DNM1L: variants seen among roughly 807,000 people sequenced by gnomAD.
DNM1L encodes dynamin 1L.
Under a neutral mutation model 92.8 loss-of-function variants are expected in DNM1L, and 33 were observed. The observed-to-expected ratio is 0.36, with a 90% CI of 0.27 to 0.48. DNM1L has a LOEUF of 0.48. Ranked by LOEUF, DNM1L falls within the 20% of genes least tolerant of loss-of-function variation. DNM1L has a pLI of 0.99. For synonymous variants in DNM1L, 284 were observed against 305.0 expected, an observed-to-expected ratio of 0.93 and a Z score of 0.72; for missense variants, 485 against 888.8, an observed-to-expected ratio of 0.55 and a Z score of 5.78.
At chr12:32,700,516 G>C (rs910580020) in intron 1 of DNM1L, among the ~76,000 whole-genome samples, 3 of 152,070 alleles carry the variant, frequency 2.0e-5, no homozygotes, top group Admixed American at 1.3e-4. Context: ...GGAGACTGAG[G>C]TGGGAGGATT....
chr12:32,680,585 C>T (rs1951767967), intron 1 of DNM1L, among the ~76,000 whole-genome samples: 1 of 152,094 alleles, frequency 6.6e-6, no homozygotes, highest in African/African-American at 2.4e-5. Flanking sequence ...AAACACATTT[C>T]CTTGGTCTGC....
At chr12:32,683,014 C>A (rs1951866379) in intron 1 of DNM1L, among the ~76,000 whole-genome samples, 1 of 152,028 alleles carries the variant, frequency 6.6e-6, no homozygotes, top group Non-Finnish European at 1.5e-5. Flanking sequence ...GAAATTTAAT[C>A]CTATTTCTTA....
At chr12:32,714,270 A>ATTTT (rs764641583) in intron 6 of DNM1L, among the ~76,000 whole-genome samples, 3 of 134,636 alleles carry the variant, frequency 2.2e-5, no homozygotes, top group Admixed American at 7.6e-5. Flanking sequence ...CACTTTAACA[A>ATTTT]TTTTTTTTTT....
chr12:32,726,989 T>A, intron 9 of DNM1L: 1 of 743,496 alleles, frequency 1.3e-6, no homozygotes, highest in Non-Finnish European at 2.5e-6. Context: ...TCAGAATAGG[T>A]TCATCATGTT....
Position 32,688,309 on chromosome 12 carries a change from G to C in DNM1L, c.102+8844G>C, listed in dbSNP as rs183236477. On this transcript the variant is annotated intron_variant, in intron 1 of 19. Coordinates refer to ENST00000549701, the MANE Select transcript of DNM1L (RefSeq NM_012062.5). ...GGGGATTGTGTTGCCTCTATAGGTTGCTTCAGGTTTTATTGGCATCTTAAC... is the reference window on the plus strand; with the variant it reads ...GGGGATTGTGTTGCCTCTATAGGTTCCTTCAGGTTTTATTGGCATCTTAAC... Among the ~76,000 whole-genome samples, 3 of 152,298 alleles carry C rather than the reference G, an allele frequency of 2.0e-5. No individual in the cohort carries two copies. The East Asian group carries it at 5.8e-4, about 29-fold the overall frequency.
In DNM1L at chr12:32,719,913, T is replaced by A. The variant is rs116269722; in HGVS notation, c.741-751T>A. 8.4e-3 allele frequency among the ~76,000 whole-genome samples: 1,286 copies of A among 152,294 alleles called. 15 individuals carry two copies. The highest frequency in any genetic ancestry group is 0.03 in the African/African-American group (1,230 of 41,548). On this transcript the variant is annotated intron_variant, in intron 7 of 19. Coordinates refer to ENST00000549701, the MANE Select transcript of DNM1L (RefSeq NM_012062.5). The stretch of plus-strand genomic sequence containing the variant: ...AGCTGGATTCGGATGAATATCTCTT[T>A]TAGTCCAAAGCCTTCATATGGTAGG...
At chr12:32,703,037 T>C (rs1217776634) in intron 2 of DNM1L, among the ~76,000 whole-genome samples, 1 of 145,618 alleles carries the variant, frequency 6.9e-6, no homozygotes, top group Non-Finnish European at 1.5e-5. Context: ...CTATATGATA[T>C]TAGGTCTTTC....
At chr12:32,686,919 G>T (rs1346197683) in intron 1 of DNM1L, among the ~76,000 whole-genome samples, 1 of 148,098 alleles carries the variant, frequency 6.8e-6, no homozygotes, top group African/African-American at 2.5e-5. Context: ...TGTTGAGGTT[G>T]TAAGAGTTCT....
At chr12:32,681,411 C>A (rs570579685) in intron 1 of DNM1L, among the ~76,000 whole-genome samples, 21,465 of 151,994 alleles carry the variant, frequency 0.14, 1,545 homozygotes, top group Middle Eastern at 0.19. Flanking sequence ...ATTAGCTGGG[C>A]ATGGTGGTGC....
Position 32,717,837 on chromosome 12 carries a change from C to G in DNM1L, c.620-806C>G, listed in dbSNP as rs1427181762. Among the ~76,000 whole-genome samples the G allele has an allele frequency of 2.9e-5, 3 of 103,010 alleles. 1 individual carries two copies. Among genetic ancestry groups the G allele is most frequent in the East Asian group, 2.5e-4 (1 of 4,018 alleles). 67.6% of individuals were successfully genotyped at this position (103,010 alleles called of 152,430 possible). A position where few individuals can be genotyped will look rare whatever the true frequency, so the allele number is the denominator to read the frequency against. ...TACTATAAAATATATATAGTATATA[C>G]TATATATATTTTATAAATATACTAT... On this transcript the variant is annotated intron_variant, in intron 6 of 19. Transcript: ENST00000549701.
chr12:32,738,125 A>G, intron 15 of DNM1L, 139 bp from the exon 16 acceptor site: 2 of 1,131,330 alleles, frequency 1.8e-6, no homozygotes, highest in Non-Finnish European at 1.3e-6. Context: ...TATTGTTGAC[A>G]TGCTTTTGCT....
Position 32,731,079 on chromosome 12 carries a change from A to T in DNM1L, c.1145A>T (p.Asp382Val), listed in dbSNP as rs766446989. The change falls in exon 10 of 20, where the codon GAT becomes GTT. Residue 382 changes from aspartate to valine, a missense_variant. Asp to Val is a radical substitution (Grantham distance 152). This residue lies in a region of DNM1L where 19 missense variants were observed against 22.1 expected (regional missense o/e 0.86). Transcript: ENST00000549701. This position sits in a 1 kb window ranked among gnomAD's most constrained non-coding sequence, Gnocchi z 5.1. Reference protein sequence around the residue: ...ETFGRTLESVDPLGGLNTIDI... With the variant: ...ETFGRTLESVVPLGGLNTIDI... ...TTTGGGCGAACCTTAGAATCTGTTGATCCACTTGGTGGCCTTAACACTATT... is the reference window on the plus strand; with the variant it reads ...TTTGGGCGAACCTTAGAATCTGTTGTTCCACTTGGTGGCCTTAACACTATT... The T allele has an allele frequency of 6.2e-7, 1 of 1,614,028 alleles. No homozygotes were observed. Among genetic ancestry groups the T allele is most frequent in the South Asian group, 1.1e-5 (1 of 91,084 alleles).
intron 9 of DNM1L, 73 bp from the exon 10 acceptor site, chr12:32,730,941 T>C (rs1233170886): frequency 5.0e-6 from 8 of 1,602,128 alleles, no homozygotes; most frequent in South Asian, 2.2e-5. Flanking sequence ...TTAAAGCTTC[T>C]AGAAAGACTT....
chr12:32,737,568 G>A (rs956928917), intron 14 of DNM1L: 2 of 426,734 alleles, frequency 4.7e-6, no homozygotes, highest in Admixed American at 3.9e-5. Flanking sequence ...ATACTAAAGT[G>A]TGTATAAAAA....
At chr12:32,709,392 T>C (rs1031419430) in intron 4 of DNM1L, among the ~76,000 whole-genome samples, 2 of 152,204 alleles carry the variant, frequency 1.3e-5, no homozygotes, top group African/African-American at 4.8e-5. Context: ...GTGGTAATTT[T>C]ACACAGTACC....
intron 14 of DNM1L, 190 bp from the exon 15 acceptor site, chr12:32,737,675 G>A (rs1248686782): frequency 1.7e-6 from 1 of 576,766 alleles, no homozygotes; most frequent in Non-Finnish European, 3.1e-6. Context: ...GTATTCATCT[G>A]AAGGAAACTT....
intron 2 of DNM1L, chr12:32,706,116 A>G (rs1020646056): frequency 4.8e-5 from 18 of 377,596 alleles, no homozygotes; most frequent in Non-Finnish European, 8.4e-5. Context: ...TTTTAAATAT[A>G]ATAAGATAAA....
At position 32,742,872 on chromosome 12, in the gene DNM1L, G is replaced by A. The variant is rs2137613923; in HGVS notation, c.2154+124G>A. On this transcript the variant is annotated intron_variant, in intron 19 of 19. Transcript: ENST00000549701. ...ATTCTAGCTAGGCTTGTTTCCTGTT[G>A]GTACTTGATAAGAATCTTTTTTTTT... is the stretch of plus-strand genomic sequence containing the variant. The A allele has an allele frequency of 5.3e-6, 4 of 760,866 alleles. No homozygotes were observed. In the South Asian group the frequency reaches 6.7e-5, roughly 13 times the overall value. 47.1% of individuals were successfully genotyped at this position (760,866 alleles called of 1,614,324 possible).
chr12:32,725,533 C>A (rs1954074278), intron 9 of DNM1L: 1 of 152,160 alleles, frequency 6.6e-6, no homozygotes, highest in Non-Finnish European at 1.5e-5. Context: ...CACAATAATC[C>A]ATTAACAATC....
Sources: gnomAD v4.1 joint callset for allele counts (sites outside exome capture counted in the v4.1 genomes callset) on GRCh38, gnomAD v4.1.1 for gene constraint, gnomAD v4.1.1 regional missense constraint, Gnocchi (gnomAD v3.1) non-coding constraint, MANE v1.5 for transcripts, NCBI Gene and HGNC (gene_info 2026-07-23, HGNC 2026-07-21) for gene names.